CHD5: variants seen among roughly 807,000 people sequenced by gnomAD.
CHD5 encodes the protein ATP-dependent chromatin remodeler CHD5.
A neutral mutation model predicts 230.3 loss-of-function variants in CHD5; 69 were observed. The ratio of observed to expected loss-of-function variants is 0.30; its 90% confidence interval spans 0.25 to 0.37. CHD5 has a LOEUF of 0.37. CHD5 is among the 10% of genes least tolerant of loss of function. The pLI is 1.00. For missense variants in CHD5, 1,827 were observed against 2,622.8 expected, an observed-to-expected ratio of 0.70 and a Z score of 6.63; for synonymous variants, 1,064 against 1,065.9, an observed-to-expected ratio of 1.00 and a Z score of 0.03.
At chr1:6,122,548 T>C (rs1375543088) in intron 31 of CHD5, among the ~76,000 whole-genome samples, 1 of 152,070 alleles carries the variant, frequency 6.6e-6, no homozygotes, top group Non-Finnish European at 1.5e-5. Context: ...GAATGTAAAA[T>C]GGTACAGCTG....
chr1:6,130,086 G>T lies in CHD5; in HGVS notation c.3387+118C>A. 3 of 1,198,042 alleles carry T rather than the reference G, an allele frequency of 2.5e-6. No homozygotes were observed. The highest frequency in any genetic ancestry group is 3.6e-6 in the Non-Finnish European group (3 of 836,208). The allele number at this position is 1,198,042 out of a possible 1,614,324, so 74.2% of individuals were successfully genotyped here. On this transcript the variant is annotated intron_variant, in intron 22 of 41. Transcript: ENST00000262450. The surrounding 1 kb of genome is among the most constrained non-coding windows in gnomAD (Gnocchi z 4.9). ...GGCCGAGACTCCACGGGGGAGGGAG[G>T]CCCACAGCACCAGGATAGGTGAGGG...
Position 6,106,915 on chromosome 1 carries a change from G to A in CHD5, c.5579-136C>T, listed in dbSNP as rs1245577937. The A allele has an allele frequency of 4.9e-5, 14 of 288,010 alleles. No individual in the cohort carries two copies. The Admixed American group carries it at 7.9e-4, about 16-fold the overall frequency. The allele number at this position is 288,010 out of a possible 1,614,324, so 17.8% of individuals were successfully genotyped here. A position where few individuals can be genotyped will look rare whatever the true frequency, so the allele number is the denominator to read the frequency against. ...GGAAGGATGGAGGGATGGAAGGATG[G>A]AGGGATGGAGGGGTGGAGGGGTGGA... On this transcript the variant is annotated intron_variant, in intron 38 of 41. Coordinates refer to ENST00000262450, the MANE Select transcript of CHD5 (RefSeq NM_015557.3).
Position 6,128,739 on chromosome 1 carries a change from T to C in CHD5, c.3619+99A>G. 1 of 1,274,882 alleles carries C rather than the reference T, an allele frequency of 7.8e-7. No homozygotes were observed. The highest frequency in any genetic ancestry group is 1.1e-6 in the Non-Finnish European group (1 of 892,882). The allele number at this position is 1,274,882 out of a possible 1,614,324, so 79.0% of individuals were successfully genotyped here. On this transcript the variant is annotated intron_variant, in intron 23 of 41. Coordinates refer to ENST00000262450, the MANE Select transcript of CHD5 (RefSeq NM_015557.3). This position sits in a 1 kb window ranked among gnomAD's most constrained non-coding sequence, Gnocchi z 7.8. ...CAGGTGGGGGGTGCAGAAGAGAGGC[T>C]GTGTGTTGGAGCGGGCAGGGACCCA... is the stretch of plus-strand genomic sequence containing the variant.
At chr1:6,175,817 G>A (rs1283431374) in intron 1 of CHD5, among the ~76,000 whole-genome samples, 1 of 148,410 alleles carries the variant, frequency 6.7e-6, no homozygotes, top group Admixed American at 6.7e-5. Context: ...GTAGATACAT[G>A]GATACATGGA....
intron 15 of CHD5, among the ~76,000 whole-genome samples, chr1:6,137,645 T>C (rs1666766298): frequency 6.6e-6 from 1 of 152,190 alleles, no homozygotes; most frequent in South Asian, 2.1e-4. Flanking sequence ...TTATCCCCAT[T>C]TAAAGCTCAG....
intron 37 of CHD5, 85 bp downstream of exon 37, chr1:6,110,309 C>G (rs939214142): frequency 3.2e-5 from 48 of 1,514,156 alleles, no homozygotes; most frequent in African/African-American, 8.2e-5. Flanking sequence ...GGGGTTGCTG[C>G]TCTCTAATTC....
At chr1:6,150,459 TGGATGGACGGAC>T (rs1374441685) in intron 7 of CHD5, among the ~76,000 whole-genome samples, 36 of 144,520 alleles carry the variant, frequency 2.5e-4, no homozygotes, top group African/African-American at 7.0e-4. Flanking sequence ...GATGGATGGA[TGGATGGACGGAC>T]GGACGGACGG....
intron 1 of CHD5, 139 bp from the exon 2 acceptor site, chr1:6,168,416 A>C: frequency 2.0e-6 from 2 of 979,334 alleles, no homozygotes; most frequent in Non-Finnish European, 2.9e-6. Context: ...CCCTCCCCAA[A>C]CCCAGTGAAG....
At chr1:6,123,512 C>T (rs1666504266) in intron 31 of CHD5, among the ~76,000 whole-genome samples, 3 of 152,028 alleles carry the variant, frequency 2.0e-5, no homozygotes, top group South Asian at 2.1e-4. Context: ...CTGCAACCTC[C>T]GCTTCCCAGG....
chr1:6,155,513 C>T lies in CHD5; in HGVS notation c.506+86G>A, dbSNP rs569318860. 181 of 1,197,634 alleles carry T rather than the reference C, an allele frequency of 1.5e-4. No homozygotes were observed. The highest frequency in any genetic ancestry group is 5.6e-4 in the East Asian group (24 of 42,686). 74.2% of individuals were successfully genotyped at this position (1,197,634 alleles called of 1,614,324 possible). A position where few individuals can be genotyped will look rare whatever the true frequency, so the allele number is the denominator to read the frequency against. On this transcript the variant is annotated intron_variant, in intron 4 of 41. Transcript: ENST00000262450. The surrounding 1 kb of genome is among the most constrained non-coding windows in gnomAD (Gnocchi z 4.0). ...CAGAGCCCACCCCTACCCCAGGTGC[C>T]GGGGCTTCACTCCTCTGCCTCCCTC...
chr1:6,163,084 A>G (rs1164237521), intron 2 of CHD5, among the ~76,000 whole-genome samples: 1 of 152,216 alleles, frequency 6.6e-6, no homozygotes, highest in Admixed American at 6.5e-5. Context: ...CAGCACTGAC[A>G]GGGCTCGCCC....
At chr1:6,165,911 G>A (rs905719380) in intron 2 of CHD5, among the ~76,000 whole-genome samples, 1 of 152,028 alleles carries the variant, frequency 6.6e-6, no homozygotes, top group Non-Finnish European at 1.5e-5. Context: ...AGACCCCGGG[G>A]AAGATGCAAG....
At chr1:6,120,825 C>T (rs1666457290) in intron 33 of CHD5, among the ~76,000 whole-genome samples, 1 of 152,136 alleles carries the variant, frequency 6.6e-6, no homozygotes, top group Admixed American at 6.6e-5. Flanking sequence ...ATCACTTGAA[C>T]CCGGGAGGCG....
chr1:6,148,819 C>T (rs767083786), intron 9 of CHD5, 35 bp downstream of exon 9: 2 of 1,032,900 alleles, frequency 1.9e-6, no homozygotes, highest in Non-Finnish European at 2.5e-6. Flanking sequence ...TGGGGTGGGG[C>T]GGGGCGTCCG....
chr1:6,175,792 G>C (rs1667417661), intron 1 of CHD5, among the ~76,000 whole-genome samples: 1 of 151,602 alleles, frequency 6.6e-6, no homozygotes, highest in South Asian at 2.1e-4. Context: ...TCGACGGGTA[G>C]ATGTGGGAGA....
rs934077543 is a variant in CHD5 at position 6,162,977 on chromosome 1, T to C, written c.208-3462A>G. On this transcript the variant is annotated intron_variant, in intron 2 of 41. Transcript: ENST00000262450. ...AGGGAGAGCCGGAAGGAGGGAGGGA[T>C]AGGGAGGGGAAGGCACCTCCAGCAG... Among the ~76,000 whole-genome samples, 5 of 151,666 alleles carry C rather than the reference T, an allele frequency of 3.3e-5. No homozygotes were observed. In the East Asian group the frequency reaches 9.7e-4, roughly 29 times the overall value.
Position 6,154,512 on chromosome 1 carries a change from C to CA in CHD5, c.745+147dup, listed in dbSNP as rs1431054741. On this transcript the variant is annotated intron_variant, in intron 5 of 41. Transcript: ENST00000262450. The surrounding 1 kb of genome is among the most constrained non-coding windows in gnomAD (Gnocchi z 7.0). The stretch of plus-strand genomic sequence containing the variant: ...GCCTCACTGCTGAGAAAGGACCGGG[C>CA]AATCCAAGGTCACACAGGCACAGAG... 1.3e-5 allele frequency: 8 copies of CA among 612,630 alleles called. No homozygotes were observed. The highest frequency in any genetic ancestry group is 9.1e-4 in the Middle Eastern group (2 of 2,194). The allele number at this position is 612,630 out of a possible 1,614,324, so 37.9% of individuals were successfully genotyped here. A position where few individuals can be genotyped will look rare whatever the true frequency, so the allele number is the denominator to read the frequency against.
chr1:6,109,489 G>C (rs1666250849), intron 38 of CHD5, among the ~76,000 whole-genome samples: 1 of 152,224 alleles, frequency 6.6e-6, no homozygotes, highest in African/African-American at 2.4e-5. Context: ...GTGCATTTAA[G>C]TCACGCTGTC....
chr1:6,129,147 A>T lies in CHD5; in HGVS notation c.3388-78T>A, dbSNP rs1666612284. 3.0e-6 allele frequency: 3 copies of T among 988,214 alleles called. No individual in the cohort carries two copies. The highest frequency in any genetic ancestry group is 4.6e-6 in the Non-Finnish European group (3 of 648,736). The allele number at this position is 988,214 out of a possible 1,614,324, so 61.2% of individuals were successfully genotyped here. A position where few individuals can be genotyped will look rare whatever the true frequency, so the allele number is the denominator to read the frequency against. On this transcript the variant is annotated intron_variant, in intron 22 of 41. Transcript: ENST00000262450. This position sits in a 1 kb window ranked among gnomAD's most constrained non-coding sequence, Gnocchi z 6.8. ...GGAGGAGATCACACCCATGAGCTCAAGAGCATGGAATGGGCTGCATGACTG... is the reference window on the plus strand; with the variant it reads ...GGAGGAGATCACACCCATGAGCTCATGAGCATGGAATGGGCTGCATGACTG...
Sources: gnomAD v4.1 joint callset for allele counts (sites outside exome capture counted in the v4.1 genomes callset) on GRCh38, gnomAD v4.1.1 for gene constraint, Gnocchi (gnomAD v3.1) non-coding constraint, MANE v1.5 for transcripts, NCBI Gene and HGNC (gene_info 2026-07-23, HGNC 2026-07-21) for gene names.